Variants in ZNF638 observed in about 807,000 individuals in gnomAD.
ZNF638 encodes the protein zinc finger protein 638.
In ZNF638, 46 loss-of-function variants were observed where a neutral mutation model predicts 195.6. The observed-to-expected ratio is 0.24, with a 90% CI of 0.19 to 0.30. ZNF638 has a LOEUF of 0.30. ZNF638 is among the 10% of genes least tolerant of loss of function. ZNF638 has a pLI of 1.00. For synonymous variants in ZNF638, 845 were observed against 772.0 expected (o/e 1.09, Z -1.57); for missense variants, 2,440 against 2,325.3 (o/e 1.05, Z -1.01).
chr2:71,425,451 G>T (rs1177413258), intron 23 of ZNF638, among the ~76,000 whole-genome samples: 1 of 151,972 alleles, frequency 6.6e-6, no homozygotes, highest in Admixed American at 6.6e-5. Flanking sequence ...AAATTACAGG[G>T]TACATATTCT....
intron 2 of ZNF638, among the ~76,000 whole-genome samples, chr2:71,353,706 T>C (rs1439275824): frequency 1.3e-5 from 2 of 152,202 alleles, no homozygotes; most frequent in African/African-American, 2.4e-5. Flanking sequence ...CCTGTATTAC[T>C]GTATCTTCCT....
At chr2:71,332,307 A>T (rs2078585618) in intron 1 of ZNF638, among the ~76,000 whole-genome samples, 1 of 152,158 alleles carries the variant, frequency 6.6e-6, no homozygotes, top group Admixed American at 6.5e-5. Flanking sequence ...GCAGGGAGGA[A>T]GCGTTCCCGT....
chr2:71,361,499 T>G (rs773014590), intron 3 of ZNF638: 6 of 152,240 alleles, frequency 3.9e-5, no homozygotes, highest in Non-Finnish European at 8.8e-5. Context: ...ACTGTAAGAC[T>G]AGGAATTTAT....
chr2:71,348,464 A>G (rs1265421059), intron 1 of ZNF638: 8 of 1,017,158 alleles, frequency 7.9e-6, no homozygotes, highest in Non-Finnish European at 9.4e-6. Context: ...ATTTTTCAAG[A>G]TTATGTAAAA....
intron 6 of ZNF638, among the ~76,000 whole-genome samples, chr2:71,368,141 G>T (rs1361929687): frequency 6.6e-6 from 1 of 151,992 alleles, no homozygotes; most frequent in Non-Finnish European, 1.5e-5. Context: ...CCATTTCTGG[G>T]TTAAAAAATA....
At chr2:71,426,186 C>G (rs1367041636) in intron 23 of ZNF638, among the ~76,000 whole-genome samples, 1 of 152,058 alleles carries the variant, frequency 6.6e-6, no homozygotes, top group Non-Finnish European at 1.5e-5. Flanking sequence ...TACTTCGAAA[C>G]TCTTCATTTA....
At chr2:71,333,235 A>G (rs889467887) in intron 1 of ZNF638, among the ~76,000 whole-genome samples, 9 of 152,342 alleles carry the variant, frequency 5.9e-5, no homozygotes, top group African/African-American at 2.2e-4. Context: ...TGTACTCCAT[A>G]TTCTGTAATA....
chr2:71,334,084 A>T (rs572888673), intron 1 of ZNF638, among the ~76,000 whole-genome samples: 3 of 152,312 alleles, frequency 2.0e-5, no homozygotes, highest in African/African-American at 7.2e-5. Flanking sequence ...TGTAGAACTT[A>T]TCAATATATA....
intron 26 of ZNF638, among the ~76,000 whole-genome samples, chr2:71,432,509 A>G (rs1297292865): frequency 1.3e-5 from 2 of 152,186 alleles, no homozygotes; most frequent in Non-Finnish European, 2.9e-5. Flanking sequence ...CCAGAGGTAT[A>G]TTTTAGACTG....
Position 71,423,373 on chromosome 2 carries a change from A to C in ZNF638, c.3859A>C (p.Ile1287Leu). The C allele has an allele frequency of 6.2e-7, 1 of 1,613,988 alleles. No homozygotes were observed. Among genetic ancestry groups the C allele is most frequent in the Non-Finnish European group, 8.5e-7 (1 of 1,180,004 alleles). ...STCIVTLVPG[I>L]PTGDEKTVDK... The stretch of plus-strand genomic sequence containing the variant: ...TTGTATTGTGACGTTAGTACCAGGA[A>C]TTCCCACTGGGGATGAGAAGACAGT... Residue 1287 changes from isoleucine to leucine, a missense_variant, in exon 22 of 28, where the codon ATT (isoleucine) becomes CTT (leucine). Physicochemically the swap from Ile to Leu is conservative, Grantham distance 5. Transcript: ENST00000264447.
chr2:71,339,152 T>TG (rs1193913063), intron 1 of ZNF638, among the ~76,000 whole-genome samples: 1 of 11,838 alleles, frequency 8.4e-5, no homozygotes, highest in Admixed American at 1.9e-3. Context: ...CGGTTTAGGT[T>TG]TTTTTTTTTT....
At chr2:71,353,403 C>T (rs987430906) in intron 2 of ZNF638, among the ~76,000 whole-genome samples, 12 of 152,158 alleles carry the variant, frequency 7.9e-5, no homozygotes, top group African/African-American at 2.9e-4. Flanking sequence ...TATATATTTT[C>T]AGTTTCATTC....
Position 71,423,026 on chromosome 2 carries a change from G to T in ZNF638, c.3512G>T (p.Gly1171Val), listed in dbSNP as rs565457035. 5 of 1,614,114 alleles carry T rather than the reference G, an allele frequency of 3.1e-6. No homozygotes were observed. The highest frequency in any genetic ancestry group is 4.2e-6 in the Non-Finnish European group (5 of 1,179,992). ...AVETLELETQGEEVKEEIPLV... is the reference protein window; with the variant it reads ...AVETLELETQVEEVKEEIPLV... ...GAAACTTTGGAGCTTGAAACTCAAG[G>T]AGAGGAGGTCAAAGAAGAAATTCCT... Residue 1171 changes from glycine (G) to valine (V), a missense_variant, in exon 22 of 28, where the codon GGA becomes GTA. This residue lies in a region of ZNF638 where 1,883 missense variants were observed against 1,739.1 expected (regional missense o/e 1.08). Coordinates refer to ENST00000264447, the MANE Select transcript of ZNF638 (RefSeq NM_014497.5).
intron 19 of ZNF638, 44 bp from the exon 20 acceptor site, chr2:71,408,078 A>T: frequency 6.4e-7 from 1 of 1,574,586 alleles, no homozygotes; most frequent in Non-Finnish European, 8.6e-7. Flanking sequence ...TCTAATTCCA[A>T]TTTTTTTAAA....
intron 10 of ZNF638, among the ~76,000 whole-genome samples, chr2:71,390,499 ATTAG>A (rs1268848971): frequency 6.6e-6 from 1 of 152,172 alleles, no homozygotes; most frequent in Non-Finnish European, 1.5e-5. Context: ...AGATTGAGGT[ATTAG>A]TTATGATGGA....
At position 71,397,604 on chromosome 2, in the gene ZNF638, C is replaced by A. The variant is rs947628964; in HGVS notation, c.2429-1097C>A. ...AGGGAAATGTGTACACAAATCTGTTCGTGCCCCAAAGCTTCTCAATAAAAA... is the reference window on the plus strand; with the variant it reads ...AGGGAAATGTGTACACAAATCTGTTAGTGCCCCAAAGCTTCTCAATAAAAA... On this transcript the variant is annotated intron_variant, in intron 11 of 27. Coordinates refer to ENST00000264447, the MANE Select transcript of ZNF638 (RefSeq NM_014497.5). 3.3e-5 allele frequency among the ~76,000 whole-genome samples: 5 copies of A among 152,276 alleles called. No homozygotes were observed. In the South Asian group the frequency reaches 1.0e-3, roughly 32 times the overall value.
At position 71,380,530 on chromosome 2, in the gene ZNF638, C is replaced by T; in HGVS notation, c.2342C>T (p.Ser781Leu). The T allele has an allele frequency of 3.1e-6, 5 of 1,605,260 alleles. No homozygotes were observed. Among genetic ancestry groups the T allele is most frequent in the Non-Finnish European group, 4.2e-6 (5 of 1,176,692 alleles). ...ASTLKRDADA[S>L]KAVEIVTSTS... ...TTAAATAGAAGAGATGCAGATGCTT[C>T]AAAAGCTGTTGAAATTGTTACTTCA... is the stretch of plus-strand genomic sequence containing the variant. Residue 781 changes from serine to leucine, a missense_variant, in exon 10 of 28, where the codon TCA becomes TTA. Physicochemically the swap from Ser to Leu is moderately radical, Grantham distance 145. This residue lies in a region of ZNF638 where 1,883 missense variants were observed against 1,739.1 expected (regional missense o/e 1.08). Transcript: ENST00000264447.
At chr2:71,399,797 A>C (rs2079969830) in intron 13 of ZNF638, 152 bp downstream of exon 13, 1 of 660,116 alleles carries the variant, frequency 1.5e-6, no homozygotes. Context: ...TATTAAGCCT[A>C]GGACCCATTA....
At chr2:71,361,207 C>G (rs1213725677) in intron 3 of ZNF638, among the ~76,000 whole-genome samples, 1 of 152,202 alleles carries the variant, frequency 6.6e-6, no homozygotes, top group Non-Finnish European at 1.5e-5. Context: ...CCTACCTCAG[C>G]CTCCCGAAGT....
Sources: gnomAD v4.1 joint callset for allele counts (sites outside exome capture counted in the v4.1 genomes callset) on GRCh38, gnomAD v4.1.1 for gene constraint, gnomAD v4.1.1 regional missense constraint, MANE v1.5 for transcripts, NCBI Gene and HGNC (gene_info 2026-07-23, HGNC 2026-07-21) for gene names.